PDZRN4: variants seen among roughly 807,000 people sequenced by gnomAD.
PDZRN4 encodes PDZ domain-containing RING finger protein 4.
PDZRN4 carries 70 observed loss-of-function variants against 99.0 expected under a neutral mutation model. That is an observed-to-expected ratio of 0.71 (90% confidence interval 0.58 to 0.86). The LOEUF (loss-of-function observed/expected upper bound fraction) is 0.86. Ranked by LOEUF, PDZRN4 falls within the 40% of genes least tolerant of loss-of-function variation. The probability of loss-of-function intolerance (pLI) is 0.00; values close to 1 mark genes in which losing one functional copy is unlikely to be tolerated. For synonymous variants in PDZRN4, 551 were observed against 501.6 expected (o/e 1.10, Z -1.32); for missense variants, 1,474 against 1,331.2 (o/e 1.11, Z -1.67).
At chr12:41,249,252 G>A (rs973832312) in intron 3 of PDZRN4, among the ~76,000 whole-genome samples, 6 of 152,158 alleles carry the variant, frequency 3.9e-5, no homozygotes, top group African/African-American at 1.4e-4. Flanking sequence ...AAAATCGCAA[G>A]TACTTCTGCA....
At chr12:41,562,346 C>T (rs1939283735) in intron 7 of PDZRN4, among the ~76,000 whole-genome samples, 1 of 152,102 alleles carries the variant, frequency 6.6e-6, no homozygotes, top group South Asian at 2.1e-4. Context: ...CATGCATCAG[C>T]CAGAAACCCA....
intron 3 of PDZRN4, among the ~76,000 whole-genome samples, chr12:41,434,621 C>T (rs145872496): frequency 2.0e-5 from 3 of 152,260 alleles, no homozygotes; most frequent in South Asian, 2.1e-4. Context: ...GCCTCTTATA[C>T]GTCAGTCTAG....
intron 3 of PDZRN4, among the ~76,000 whole-genome samples, chr12:41,251,950 T>C (rs1951173646): frequency 6.6e-6 from 1 of 152,032 alleles, no homozygotes. Flanking sequence ...ACCCTGTCTC[T>C]ACAAAAAATA....
chr12:41,240,928 C>T (rs1319827820), intron 3 of PDZRN4, among the ~76,000 whole-genome samples: 4 of 152,080 alleles, frequency 2.6e-5, no homozygotes, highest in Non-Finnish European at 5.9e-5. Flanking sequence ...CAGACCATAG[C>T]GTATATAAAC....
chr12:41,260,875 G>A (rs1242876111), intron 3 of PDZRN4, among the ~76,000 whole-genome samples: 7 of 151,776 alleles, frequency 4.6e-5, no homozygotes, highest in Non-Finnish European at 1.0e-4. Context: ...AGAAAATAAC[G>A]AGCTTCTAAC....
intron 3 of PDZRN4, among the ~76,000 whole-genome samples, chr12:41,382,404 C>T (rs1211120871): frequency 1.3e-5 from 2 of 152,202 alleles, no homozygotes; most frequent in African/African-American, 4.8e-5. Flanking sequence ...TGATTGCAAA[C>T]TTAGGAAATT....
intron 3 of PDZRN4, among the ~76,000 whole-genome samples, chr12:41,267,327 T>A (rs1951284671): frequency 2.0e-5 from 3 of 152,028 alleles, no homozygotes; most frequent in South Asian, 4.1e-4. Context: ...TCAGAACCCA[T>A]CTCTAGACAG....
At chr12:41,512,594 T>C (rs994200765) in intron 5 of PDZRN4, among the ~76,000 whole-genome samples, 1 of 151,954 alleles carries the variant, frequency 6.6e-6, no homozygotes, top group African/African-American at 2.4e-5. Context: ...TGTGGAGCCT[T>C]TGGCTTTGAC....
chr12:41,228,384 T>G (rs946107958), intron 3 of PDZRN4, among the ~76,000 whole-genome samples: 1 of 152,140 alleles, frequency 6.6e-6, no homozygotes, highest in East Asian at 1.9e-4. Flanking sequence ...TACAGAATAA[T>G]TTTTTGTGCT....
intron 3 of PDZRN4, among the ~76,000 whole-genome samples, chr12:41,260,231 C>T (rs1422016953): frequency 1.3e-5 from 2 of 151,984 alleles, no homozygotes; most frequent in East Asian, 1.9e-4. Flanking sequence ...TTTTGACTTA[C>T]GTATTAGGAT....
chr12:41,458,173 G>A (rs927551303), intron 3 of PDZRN4, among the ~76,000 whole-genome samples: 2 of 152,102 alleles, frequency 1.3e-5, no homozygotes, highest in African/African-American at 4.8e-5. Context: ...GTGTGTGTAT[G>A]TGAGATGGAG....
chr12:41,233,697 C>T lies in PDZRN4; in HGVS notation c.843+39509C>T, dbSNP rs576642471. Among the ~76,000 whole-genome samples, 5 of 151,884 alleles carry T rather than the reference C, an allele frequency of 3.3e-5. No homozygotes were observed. The East Asian group carries it at 9.7e-4, about 30-fold the overall frequency. On this transcript the variant is annotated intron_variant, in intron 3 of 9. Transcript: ENST00000402685. ...GCAAACTATTGCAAGGACAAAAAAC[C>T]AAACACCGCATGTTCTCACTCATAG...
chr12:41,489,533 T>C (rs897647691), intron 3 of PDZRN4, among the ~76,000 whole-genome samples: 3 of 152,270 alleles, frequency 2.0e-5, no homozygotes, highest in Admixed American at 1.3e-4. Context: ...ACCTCTATGT[T>C]TGGAATCTCA....
At chr12:41,563,685 T>G in intron 8 of PDZRN4, 36 bp downstream of exon 8, 1 of 1,323,404 alleles carries the variant, frequency 7.6e-7, no homozygotes, top group Non-Finnish European at 1.1e-6. Flanking sequence ...AGACTGAACT[T>G]TATATTCATT....
At chr12:41,286,062 ACTC>A (rs1030469753) in intron 3 of PDZRN4, among the ~76,000 whole-genome samples, 4 of 151,956 alleles carry the variant, frequency 2.6e-5, no homozygotes, top group African/African-American at 9.7e-5. Context: ...CAAAAATTTA[ACTC>A]CTGATTGCTT....
intron 5 of PDZRN4, among the ~76,000 whole-genome samples, chr12:41,550,925 T>G (rs1939041545): frequency 6.6e-6 from 1 of 152,186 alleles, no homozygotes; most frequent in African/African-American, 2.4e-5. Context: ...TATACTCAAA[T>G]GTACAGAGTG....
chr12:41,249,381 CAT>C (rs1566394021), intron 3 of PDZRN4, among the ~76,000 whole-genome samples: 1 of 152,130 alleles, frequency 6.6e-6, no homozygotes, highest in East Asian at 1.9e-4. Context: ...TTGTATACAG[CAT>C]GTCAAAAGAA....
chr12:41,571,335 G>GTCTCTCTCTCTCTCTCTCTCTCTC (rs752003607), intron 9 of PDZRN4, among the ~76,000 whole-genome samples: 1 of 101,278 alleles, frequency 9.9e-6, no homozygotes, highest in Admixed American at 1.1e-4. Flanking sequence ...AATTACCAGA[G>GTCTCTCTCTCTCTCTCTCTCTCTC]TCTCTCTCTC....
chr12:41,425,050 C>T (rs1268938993), intron 3 of PDZRN4, among the ~76,000 whole-genome samples: 2 of 152,072 alleles, frequency 1.3e-5, no homozygotes, highest in African/African-American at 2.4e-5. Context: ...ATCGAAACAA[C>T]ATTCACAACA....
Sources: gnomAD v4.1 joint callset for allele counts (sites outside exome capture counted in the v4.1 genomes callset) on GRCh38, gnomAD v4.1.1 for gene constraint, MANE v1.5 for transcripts, NCBI Gene and HGNC (gene_info 2026-07-23, HGNC 2026-07-21) for gene names.